DNAH3: variants seen among roughly 807,000 people sequenced by gnomAD.
DNAH3 encodes the protein axonemal beta dynein heavy chain 3.
In DNAH3, 332 loss-of-function variants were observed where a neutral mutation model predicts 432.5. The ratio of observed to expected loss-of-function variants is 0.77; its 90% confidence interval spans 0.70 to 0.84. The LOEUF is 0.84. Ranked by LOEUF, DNAH3 falls within the 40% of genes least tolerant of loss-of-function variation. The probability of loss-of-function intolerance (pLI) is 0.00; values close to 1 mark genes in which losing one functional copy is unlikely to be tolerated. For synonymous variants in DNAH3, 1,956 were observed against 1,900.2 expected (o/e 1.03, Z -0.76); for missense variants, 4,861 against 5,114.0 (o/e 0.95, Z 1.51).
chr16:20,954,618 C>T (rs1413307704), intron 55 of DNAH3, among the ~76,000 whole-genome samples, 195 bp downstream of exon 55: 1 of 152,088 alleles, frequency 6.6e-6, no homozygotes, highest in Non-Finnish European at 1.5e-5. Context: ...AATAAAAATA[C>T]AGTGAGAGTT....
chr16:20,982,228 A>G (rs1289687046), intron 49 of DNAH3, among the ~76,000 whole-genome samples: 1 of 151,992 alleles, frequency 6.6e-6, no homozygotes, highest in Non-Finnish European at 1.5e-5. Flanking sequence ...TAGTAAAAAT[A>G]TAAAAATTAG....
intron 18 of DNAH3, among the ~76,000 whole-genome samples, chr16:21,091,441 T>C (rs370186643): frequency 6.6e-6 from 1 of 152,010 alleles, no homozygotes; most frequent in East Asian, 1.9e-4. Context: ...AATAAGTGAT[T>C]GCAGCAGGAT....
At chr16:21,054,495 C>A (rs201008546) in exon 28 of DNAH3, 8 of 1,614,000 alleles carry the variant, frequency 5.0e-6, no homozygotes, top group Non-Finnish European at 6.8e-6. Context: ...ACCAGCTGGA[C>A]AATCTGCGCA....
At chr16:20,988,506 C>T (rs2086333101) in intron 44 of DNAH3, among the ~76,000 whole-genome samples, 1 of 152,178 alleles carries the variant, frequency 6.6e-6, no homozygotes, top group Admixed American at 6.5e-5. Context: ...CCTCCGCCTC[C>T]CGGGCTCAAG....
chr16:21,147,989 A>G (rs2092806654), intron 1 of DNAH3, among the ~76,000 whole-genome samples: 1 of 152,192 alleles, frequency 6.6e-6, no homozygotes, highest in Admixed American at 6.5e-5. Context: ...TTCAAGGGCA[A>G]TTTTGACTCT....
At chr16:21,087,122 T>A in intron 18 of DNAH3, 62 bp from the exon 19 acceptor site, 2 of 1,365,378 alleles carry the variant, frequency 1.5e-6, no homozygotes, top group Non-Finnish European at 2.1e-6. Flanking sequence ...TGCGTACCTT[T>A]AATTCCCTGA....
intron 58 of DNAH3, 22 bp downstream of exon 58, chr16:20,944,474 C>A (rs201642340): frequency 4.3e-5 from 69 of 1,611,792 alleles, no homozygotes. Flanking sequence ...AGGATTAAGC[C>A]CCCTTTCCCG....
intron 52 of DNAH3, among the ~76,000 whole-genome samples, chr16:20,966,658 T>C (rs571124214): frequency 6.6e-6 from 1 of 152,328 alleles, no homozygotes; most frequent in Admixed American, 6.5e-5. Flanking sequence ...ATGGGTTGAA[T>C]GAATAGTACC....
In DNAH3 at chr16:20,950,014, T is replaced by C. The variant is rs569737736; in HGVS notation, c.11189-1377A>G. 2.0e-5 allele frequency among the ~76,000 whole-genome samples: 3 copies of C among 152,288 alleles called. No individual in the cohort carries two copies. In the South Asian group the frequency reaches 6.2e-4, roughly 32 times the overall value. Reference sequence around the variant, plus strand: ...TGGGAATATGGTTCACTTCTATTTATTATTATTACTAGTTTTAGAGACGGG... The same window carrying C: ...TGGGAATATGGTTCACTTCTATTTACTATTATTACTAGTTTTAGAGACGGG... On this transcript the variant is annotated intron_variant, in intron 56 of 61. Transcript: ENST00000261383.
At chr16:21,123,288 T>G (rs1388142811) in intron 9 of DNAH3, among the ~76,000 whole-genome samples, 1 of 152,202 alleles carries the variant, frequency 6.6e-6, no homozygotes, top group Non-Finnish European at 1.5e-5. Context: ...CAGCGCCTAA[T>G]GAAATTGTCA....
exon 23 of DNAH3, chr16:21,069,499 T>C: frequency 1.9e-6 from 3 of 1,614,198 alleles, no homozygotes; most frequent in Non-Finnish European, 8.5e-7. Flanking sequence ...TGATGTCCTC[T>C]GAACTGAAGA....
At position 21,076,245 on chromosome 16, in the gene DNAH3, T is replaced by G. The variant is rs370634615; in HGVS notation, c.2970-684A>C. Among the ~76,000 whole-genome samples, 6 of 152,262 alleles carry G rather than the reference T, an allele frequency of 3.9e-5. No individual in the cohort carries two copies. The South Asian group carries it at 6.2e-4, about 16-fold the overall frequency. On this transcript the variant is annotated intron_variant, in intron 20 of 61. Coordinates refer to ENST00000261383, the Ensembl canonical transcript of DNAH3. ...CCTTAATCCATTATAATTGGTGACC[T>G]TATAAGAAGAGATTAGGACACAGAC...
chr16:21,122,743 G>T (rs926563959), intron 9 of DNAH3, among the ~76,000 whole-genome samples: 1 of 151,434 alleles, frequency 6.6e-6, no homozygotes, highest in African/African-American at 2.4e-5. Context: ...AAGCCTCCCT[G>T]TTTCTCAGCT....
chr16:20,962,424 A>G (rs755841662), intron 53 of DNAH3, among the ~76,000 whole-genome samples: 6 of 152,170 alleles, frequency 3.9e-5, no homozygotes, highest in Non-Finnish European at 2.9e-5. Flanking sequence ...GGTGATTCCA[A>G]TGTGCAGCCA....
At chr16:21,050,045 T>G in intron 29 of DNAH3, 27 bp from the exon 30 acceptor site, 1 of 1,518,482 alleles carries the variant, frequency 6.6e-7, no homozygotes, top group Non-Finnish European at 9.1e-7. Context: ...AGAACTTCAG[T>G]GCTTGAGGTC....
chr16:21,026,046 C>T (rs1042267585), intron 38 of DNAH3, among the ~76,000 whole-genome samples: 1 of 152,096 alleles, frequency 6.6e-6, no homozygotes, highest in African/African-American at 2.4e-5. Context: ...CCACCAATAA[C>T]TCGATTAACA....
intron 47 of DNAH3, among the ~76,000 whole-genome samples, chr16:20,987,011 G>A (rs1417656170): frequency 6.6e-6 from 1 of 152,028 alleles, no homozygotes; most frequent in Non-Finnish European, 1.5e-5. Context: ...CCAATTAATT[G>A]ATCCTAAAAA....
intron 15 of DNAH3, among the ~76,000 whole-genome samples, 173 bp from the exon 16 acceptor site, chr16:21,104,767 A>C (rs1597384831): frequency 1.3e-5 from 2 of 152,318 alleles, no homozygotes; most frequent in East Asian, 3.9e-4. Flanking sequence ...CCAGGCTAGA[A>C]GGTAGATGAT....
chr16:21,078,190 G>A (rs749618721), intron 20 of DNAH3, among the ~76,000 whole-genome samples: 4 of 148,106 alleles, frequency 2.7e-5, no homozygotes, highest in African/African-American at 5.0e-5. Flanking sequence ...CAGGAAAATC[G>A]CTTGAACCCG....
Sources: gnomAD v4.1 joint callset for allele counts (sites outside exome capture counted in the v4.1 genomes callset) on GRCh38, gnomAD v4.1.1 for gene constraint, MANE v1.5 for transcripts, NCBI Gene and HGNC (gene_info 2026-07-23, HGNC 2026-07-21) for gene names.